The following KLHL1 variants were observed in gnomAD, a reference collection of about 807,000 sequenced individuals.
The protein encoded by KLHL1 is kelch like family member 1, also known as kelch-like protein 1.
In KLHL1, 47 loss-of-function variants were observed where a neutral mutation model predicts 77.7. The observed-to-expected ratio is 0.60, with a 90% CI of 0.48 to 0.77. The LOEUF (loss-of-function observed/expected upper bound fraction) is 0.77. KLHL1 is among the 30% of genes least tolerant of loss of function. The pLI is 0.00. For synonymous variants in KLHL1, 360 were observed against 325.2 expected (o/e 1.11, Z -1.15); for missense variants, 925 against 910.8 (o/e 1.02, Z -0.20).
rs566174364 is a variant in KLHL1 at position 70,023,956 on chromosome 13, A to G, written c.498-48154T>C. 3.3e-5 allele frequency among the ~76,000 whole-genome samples: 5 copies of G among 152,014 alleles called. No individual in the cohort carries two copies. In the South Asian group the frequency reaches 8.3e-4, roughly 25 times the overall value. ...CCATATGACTCCATTAGAAACGTATATAGTTTTTCCTTAGTAATTAGCCTC... is the reference window on the plus strand; with the variant it reads ...CCATATGACTCCATTAGAAACGTATGTAGTTTTTCCTTAGTAATTAGCCTC... On this transcript the variant is annotated intron_variant, in intron 1 of 10. Coordinates refer to ENST00000377844, the MANE Select transcript of KLHL1 (RefSeq NM_020866.3).
At chr13:69,818,013 G>A (rs534197249) in intron 6 of KLHL1, among the ~76,000 whole-genome samples, 1 of 152,058 alleles carries the variant, frequency 6.6e-6, no homozygotes, top group East Asian at 1.9e-4. Flanking sequence ...CTCAGAAGAG[G>A]CCCCAGAAAT....
intron 1 of KLHL1, among the ~76,000 whole-genome samples, chr13:69,985,819 T>A (rs1472853740): frequency 1.4e-5 from 2 of 146,548 alleles, no homozygotes; most frequent in African/African-American, 5.0e-5. Flanking sequence ...ATATTATATA[T>A]TATATATATA....
chr13:69,925,044 T>C lies in KLHL1; in HGVS notation c.1014+14996A>G, dbSNP rs112820895. Among the ~76,000 whole-genome samples, 1,118 of 152,296 alleles carry C rather than the reference T, an allele frequency of 7.3e-3. 15 individuals are homozygous for C. The highest frequency in any genetic ancestry group is 0.026 in the African/African-American group (1,080 of 41,580). Reference sequence around the variant, plus strand: ...CTGCTTTCCCTTGGCAGGCATGGGATTCAGGCTGGTAGTGCAAGCTGGGGA... The same window carrying C: ...CTGCTTTCCCTTGGCAGGCATGGGACTCAGGCTGGTAGTGCAAGCTGGGGA... On this transcript the variant is annotated intron_variant, in intron 4 of 10. Coordinates refer to ENST00000377844, the MANE Select transcript of KLHL1 (RefSeq NM_020866.3).
At chr13:69,926,032 A>G (rs1429232072) in intron 4 of KLHL1, among the ~76,000 whole-genome samples, 5 of 152,250 alleles carry the variant, frequency 3.3e-5, no homozygotes, top group African/African-American at 9.6e-5. Flanking sequence ...AAGTCAGTCT[A>G]TATAGCAAGT....
chr13:70,018,083 A>G (rs1192481256), intron 1 of KLHL1, among the ~76,000 whole-genome samples: 5 of 152,184 alleles, frequency 3.3e-5, no homozygotes, highest in African/African-American at 1.2e-4. Context: ...CTTTAAATCT[A>G]TGAAAATACT....
Position 69,957,005 on chromosome 13 carries a change from T to G in KLHL1, c.817+4303A>C, listed in dbSNP as rs892395286. Among the ~76,000 whole-genome samples, 3 of 151,678 alleles carry G rather than the reference T, an allele frequency of 2.0e-5. No homozygotes were observed. In the Admixed American group the frequency reaches 2.0e-4, roughly 10 times the overall value. On this transcript the variant is annotated intron_variant, in intron 3 of 10. Transcript: ENST00000377844. ...GATAAGATATTGTATGACCTAATTA[T>G]CTTTTCATCTCTGACCTCATGCTTC...
At chr13:70,024,542 T>A (rs1304764773) in intron 1 of KLHL1, among the ~76,000 whole-genome samples, 3 of 151,820 alleles carry the variant, frequency 2.0e-5, no homozygotes, top group African/African-American at 4.8e-5. Flanking sequence ...TCTAGAATTG[T>A]CTTTTTAGTT....
chr13:69,784,800 C>T (rs967157682), intron 7 of KLHL1, among the ~76,000 whole-genome samples: 4 of 150,988 alleles, frequency 2.6e-5, no homozygotes, highest in African/African-American at 9.7e-5. Context: ...AACAAGGATA[C>T]CCAGGAATTG....
At chr13:70,074,964 T>C (rs1459775361) in intron 1 of KLHL1, among the ~76,000 whole-genome samples, 1 of 151,996 alleles carries the variant, frequency 6.6e-6, no homozygotes, top group African/African-American at 2.4e-5. Context: ...AAATTTAAAA[T>C]ACCATTTATA....
At chr13:69,879,286 A>ATTTTG (rs1176379653) in intron 5 of KLHL1, among the ~76,000 whole-genome samples, 1 of 151,918 alleles carries the variant, frequency 6.6e-6, no homozygotes, top group Non-Finnish European at 1.5e-5. Flanking sequence ...TAACATTTCC[A>ATTTTG]CTCTCATTTA....
chr13:70,080,193 C>T (rs1383551566), intron 1 of KLHL1, among the ~76,000 whole-genome samples: 2 of 152,122 alleles, frequency 1.3e-5, no homozygotes, highest in Non-Finnish European at 2.9e-5. Context: ...GTCTGCTAGT[C>T]TGAGTGCTAT....
intron 1 of KLHL1, among the ~76,000 whole-genome samples, chr13:70,103,884 A>T (rs1047670436): frequency 2.0e-5 from 3 of 152,142 alleles, no homozygotes; most frequent in Admixed American, 2.0e-4. Flanking sequence ...TGGCTATGTA[A>T]GACTACAGTT....
chr13:69,809,591 C>T (rs906725251), intron 6 of KLHL1, among the ~76,000 whole-genome samples: 2 of 152,026 alleles, frequency 1.3e-5, no homozygotes, highest in African/African-American at 2.4e-5. Flanking sequence ...ATTATACTTG[C>T]TATCACAAAA....
intron 5 of KLHL1, among the ~76,000 whole-genome samples, chr13:69,851,852 A>G (rs1241323829): frequency 6.6e-6 from 1 of 151,810 alleles, no homozygotes; most frequent in Non-Finnish European, 1.5e-5. Context: ...TAAGAAAAAA[A>G]TCTTGAAAAC....
At chr13:69,805,628 T>G (rs908915826) in intron 6 of KLHL1, among the ~76,000 whole-genome samples, 5 of 151,236 alleles carry the variant, frequency 3.3e-5, no homozygotes, top group Non-Finnish European at 7.4e-5. Flanking sequence ...GGTAGCACCA[T>G]TAAGAGCAAA....
At chr13:69,751,433 G>A (rs1394291307) in intron 7 of KLHL1, among the ~76,000 whole-genome samples, 4 of 152,100 alleles carry the variant, frequency 2.6e-5, no homozygotes, top group African/African-American at 7.2e-5. Context: ...AAAAAAAATG[G>A]TTCTTGTCCA....
chr13:69,713,115 C>T (rs1001966280), intron 9 of KLHL1, among the ~76,000 whole-genome samples: 5 of 152,112 alleles, frequency 3.3e-5, no homozygotes, highest in African/African-American at 4.8e-5. Flanking sequence ...AAGGCATAAC[C>T]CATCATGCCC....
At chr13:70,052,271 C>G (rs772994860) in intron 1 of KLHL1, among the ~76,000 whole-genome samples, 1 of 151,766 alleles carries the variant, frequency 6.6e-6, no homozygotes, top group Non-Finnish European at 1.5e-5. Context: ...AGGAACAAAT[C>G]ATCCTACTAA....
At chr13:69,811,838 G>C (rs74836317) in intron 6 of KLHL1, among the ~76,000 whole-genome samples, 60,803 of 151,854 alleles carry the variant, frequency 0.4, 12,642 homozygotes, top group African/African-American at 0.51. Flanking sequence ...TTTTGTTGAT[G>C]TTTTCAAAAA....
Sources: gnomAD v4.1 joint callset for allele counts (sites outside exome capture counted in the v4.1 genomes callset) on GRCh38, gnomAD v4.1.1 for gene constraint, MANE v1.5 for transcripts, NCBI Gene and HGNC (gene_info 2026-07-23, HGNC 2026-07-21) for gene names.